The following ZNRF2 variants were observed in gnomAD, a reference collection of about 807,000 sequenced individuals.
ZNRF2 encodes E3 ubiquitin-protein ligase ZNRF2.
ZNRF2 carries 16 observed loss-of-function variants against 20.4 expected under a neutral mutation model. The ratio of observed to expected loss-of-function variants is 0.79; its 90% CI spans 0.53 to 1.19. The LOEUF (loss-of-function observed/expected upper bound fraction) is 1.19, where lower values mean the gene tolerates loss of function less well. Ranked by LOEUF, ZNRF2 falls within the 50% of genes most tolerant of loss-of-function variation. ZNRF2 has a pLI of 0.00. For missense variants in ZNRF2, 363 were observed against 332.4 expected, an observed-to-expected ratio of 1.09 and a Z score of -0.72; for synonymous variants, 178 against 144.9, an observed-to-expected ratio of 1.23 and a Z score of -1.64.
intron 2 of ZNRF2, among the ~76,000 whole-genome samples, chr7:30,348,174 T>TA (rs551400861): frequency 0.037 from 4,268 of 114,890 alleles, 115 homozygotes; most frequent in East Asian, 0.13. Context: ...TTAAAAATGT[T>TA]AAAAAAAAAA....
intron 3 of ZNRF2, among the ~76,000 whole-genome samples, chr7:30,361,413 A>G (rs1800124789): frequency 6.6e-6 from 1 of 152,246 alleles, no homozygotes; most frequent in Non-Finnish European, 1.5e-5. Flanking sequence ...CATGAGGATG[A>G]TAAATGTTAA....
At position 30,367,511 on chromosome 7, in the gene ZNRF2, G is replaced by A. The variant is rs1800234539; in HGVS notation, c.*1499G>A. ...ATTTTAATCTTTCTTTACTCATAAT[G>A]TATTTAAGAATTTGCTGTTTTATTT... is the stretch of plus-strand genomic sequence containing the variant. On this transcript the variant is annotated 3_prime_UTR_variant, in exon 5 of 5. Coordinates refer to ENST00000323037, the MANE Select transcript of ZNRF2 (RefSeq NM_147128.4). The A allele has an allele frequency of 6.6e-6, 1 of 151,986 alleles. No homozygotes were observed. The highest frequency in any genetic ancestry group is 2.4e-5 in the African/African-American group (1 of 41,402). The allele number at this position is 151,986 out of a possible 1,614,324, so 9.4% of individuals were successfully genotyped here. A position where few individuals can be genotyped will look rare whatever the true frequency, so the allele number is the denominator to read the frequency against.
chr7:30,302,802 C>T lies in ZNRF2; in HGVS notation c.469+16976C>T, dbSNP rs1421249835. ...TACCACTACTAATGCTTTCAGAGCTCAAATTCATACTCCAGTCTATCTGAC... is the reference window on the plus strand; with the variant it reads ...TACCACTACTAATGCTTTCAGAGCTTAAATTCATACTCCAGTCTATCTGAC... On this transcript the variant is annotated intron_variant, in intron 1 of 4. Coordinates refer to ENST00000323037, the MANE Select transcript of ZNRF2 (RefSeq NM_147128.4). Among the ~76,000 whole-genome samples the T allele has an allele frequency of 2.0e-5, 3 of 152,106 alleles. No individual in the cohort carries two copies. The East Asian group carries it at 5.8e-4, about 29-fold the overall frequency.
intron 1 of ZNRF2, among the ~76,000 whole-genome samples, chr7:30,309,422 T>A (rs1425240447): frequency 6.6e-6 from 1 of 152,200 alleles, no homozygotes; most frequent in Non-Finnish European, 1.5e-5. Context: ...GATGTCCTAG[T>A]TAAAGACTGG....
intron 4 of ZNRF2, among the ~76,000 whole-genome samples, chr7:30,364,975 A>G (rs148780483): frequency 1.1e-3 from 169 of 152,186 alleles, no homozygotes; most frequent in Non-Finnish European, 2.1e-3. Flanking sequence ...GTGGTGGGAT[A>G]ACAGACTCCC....
chr7:30,348,381 A>G (rs999692139), intron 2 of ZNRF2, among the ~76,000 whole-genome samples: 5 of 152,180 alleles, frequency 3.3e-5, no homozygotes, highest in African/African-American at 1.2e-4. Context: ...TTGAGCACTT[A>G]GAATGTGCAA....
At chr7:30,322,710 A>T (rs974526396) in intron 1 of ZNRF2, among the ~76,000 whole-genome samples, 2 of 151,776 alleles carry the variant, frequency 1.3e-5, no homozygotes, top group African/African-American at 4.8e-5. Context: ...TTTTTGTTCC[A>T]CTTCTGATTT....
intron 1 of ZNRF2, among the ~76,000 whole-genome samples, chr7:30,304,405 G>A (rs1379708699): frequency 1.3e-5 from 2 of 152,170 alleles, no homozygotes; most frequent in African/African-American, 4.8e-5. Context: ...AGCACTTTAT[G>A]CCTGTCAGAC....
chr7:30,322,952 T>C (rs1426299016), intron 1 of ZNRF2, among the ~76,000 whole-genome samples: 1 of 152,208 alleles, frequency 6.6e-6, no homozygotes, highest in African/African-American at 2.4e-5. Flanking sequence ...AATGGAGTAC[T>C]TCAGGCAAAT....
intron 1 of ZNRF2, among the ~76,000 whole-genome samples, chr7:30,292,385 C>T (rs1348267690): frequency 6.6e-6 from 1 of 152,042 alleles, no homozygotes; most frequent in Non-Finnish European, 1.5e-5. Flanking sequence ...TTCCAAAAAT[C>T]ACTCAAATAT....
chr7:30,330,992 T>C (rs1222529689), intron 2 of ZNRF2, among the ~76,000 whole-genome samples: 1 of 152,178 alleles, frequency 6.6e-6, no homozygotes, highest in Non-Finnish European at 1.5e-5. Flanking sequence ...CAGCTTACAT[T>C]GTAAGGCAGA....
chr7:30,352,920 C>T (rs901154992), intron 2 of ZNRF2, among the ~76,000 whole-genome samples: 25 of 152,038 alleles, frequency 1.6e-4, no homozygotes, highest in African/African-American at 5.1e-4. Context: ...AAGTCTTTCA[C>T]AATTGTGAAA....
rs758569467 is a variant in ZNRF2, at chr7:30,289,864, C to T, written c.469+4038C>T. 3 of 534,388 alleles carry T rather than the reference C, an allele frequency of 5.6e-6. No individual in the cohort carries two copies. In the East Asian group the frequency reaches 1.6e-4, roughly 29 times the overall value. 33.1% of individuals were successfully genotyped at this position (534,388 alleles called of 1,614,324 possible). A position where few individuals can be genotyped will look rare whatever the true frequency, so the allele number is the denominator to read the frequency against. Reference sequence around the variant, plus strand: ...GTTGTTGTAAGATAGTGTCTTACTCCCTCAGGCACATCTCCAACAAGTCTC... The same window carrying T: ...GTTGTTGTAAGATAGTGTCTTACTCTCTCAGGCACATCTCCAACAAGTCTC... On this transcript the variant is annotated intron_variant, in intron 1 of 4. Transcript: ENST00000323037.
chr7:30,318,352 G>A (rs1052400389), intron 1 of ZNRF2, among the ~76,000 whole-genome samples: 1 of 152,020 alleles, frequency 6.6e-6, no homozygotes, highest in Non-Finnish European at 1.5e-5. Context: ...ATTTTTGCTG[G>A]TGTCTTTATT....
Position 30,323,500 on chromosome 7 carries a change from C to G in ZNRF2, c.470-142C>G, listed in dbSNP as rs955762534. 3 of 477,122 alleles carry G rather than the reference C, an allele frequency of 6.3e-6. No homozygotes were observed. In the South Asian group the frequency reaches 1.2e-4, roughly 19 times the overall value. 29.6% of individuals were successfully genotyped at this position (477,122 alleles called of 1,614,324 possible). ...CAGATATTATAATCACAAAATTTTC[C>G]TGACTTGAGTTGCACATAAACAGTG... is the stretch of plus-strand genomic sequence containing the variant. On this transcript the variant is annotated intron_variant, in intron 1 of 4. Coordinates refer to ENST00000323037, the MANE Select transcript of ZNRF2 (RefSeq NM_147128.4).
At chr7:30,334,666 A>C (rs1200803153) in intron 2 of ZNRF2, among the ~76,000 whole-genome samples, 1 of 152,228 alleles carries the variant, frequency 6.6e-6, no homozygotes, top group Non-Finnish European at 1.5e-5. Context: ...CCAAGTTAGA[A>C]GTCTATAAGT....
intron 1 of ZNRF2, among the ~76,000 whole-genome samples, chr7:30,321,523 T>C (rs1167199232): frequency 1.3e-5 from 2 of 152,190 alleles, no homozygotes; most frequent in Admixed American, 6.5e-5. Flanking sequence ...TTTAATTCAC[T>C]GTATTTAACT....
chr7:30,288,551 G>A (rs1442963080), intron 1 of ZNRF2, among the ~76,000 whole-genome samples: 2 of 152,158 alleles, frequency 1.3e-5, no homozygotes, highest in Non-Finnish European at 2.9e-5. Flanking sequence ...AGTTTTCTGT[G>A]TTGGTTTTAT....
Position 30,322,305 on chromosome 7 carries a change from A to G in ZNRF2, c.470-1337A>G, listed in dbSNP as rs188781409. ...CCAAAATCTTTTTCCCAATCCTTATAAAGTTCGGCATGAGGTATAATTCTA... is the reference window on the plus strand; with the variant it reads ...CCAAAATCTTTTTCCCAATCCTTATGAAGTTCGGCATGAGGTATAATTCTA... On this transcript the variant is annotated intron_variant, in intron 1 of 4. Transcript: ENST00000323037. 2.6e-5 allele frequency among the ~76,000 whole-genome samples: 4 copies of G among 152,336 alleles called. No homozygotes were observed. The East Asian group carries it at 7.7e-4, about 29-fold the overall frequency.
Sources: gnomAD v4.1 joint callset for allele counts (sites outside exome capture counted in the v4.1 genomes callset) on GRCh38, gnomAD v4.1.1 for gene constraint, MANE v1.5 for transcripts, NCBI Gene and HGNC (gene_info 2026-07-23, HGNC 2026-07-21) for gene names.